The following SLC24A2 variants were observed in gnomAD, a reference collection of about 807,000 sequenced individuals.
SLC24A2 encodes solute carrier family 24 member 2.
SLC24A2 carries 36 observed loss-of-function variants against 62.0 expected under a neutral mutation model. The observed-to-expected ratio is 0.58, with a 90% CI of 0.44 to 0.77. SLC24A2 has a LOEUF of 0.77. SLC24A2 is among the 30% of genes least tolerant of loss of function. SLC24A2 has a pLI of 0.00. For synonymous variants in SLC24A2, 358 were observed against 294.0 expected (o/e 1.22, Z -2.23); for missense variants, 846 against 817.9 (o/e 1.03, Z -0.42).
chr9:19,839,246 T>C, the SLC24A2 span, among the ~76,000 whole-genome samples: 1 of 152,114 alleles, frequency 6.6e-6, no homozygotes, highest in African/African-American at 2.4e-5. Flanking sequence ...AAACAACAGG[T>C]GCTGGAGAGG....
At chr9:19,619,064 C>T (rs1817841729) in intron 4 of SLC24A2, among the ~76,000 whole-genome samples, 1 of 152,074 alleles carries the variant, frequency 6.6e-6, no homozygotes. Context: ...AAAGACAGGG[C>T]TTTTTAGATG....
the SLC24A2 span, among the ~76,000 whole-genome samples, chr9:20,029,902 T>C: frequency 0.013 from 2,004 of 152,218 alleles, 28 homozygotes; most frequent in Middle Eastern, 0.058. Flanking sequence ...TATATTATGG[T>C]GTGACAAGCC....
At chr9:19,722,678 T>C (rs1385015232) in intron 2 of SLC24A2, among the ~76,000 whole-genome samples, 1 of 151,880 alleles carries the variant, frequency 6.6e-6, no homozygotes, top group African/African-American at 2.4e-5. Flanking sequence ...AACCACGATA[T>C]TCAATCCCTA....
intron 2 of SLC24A2, among the ~76,000 whole-genome samples, chr9:19,727,477 G>C (rs557882849): frequency 2.0e-5 from 3 of 151,888 alleles, no homozygotes; most frequent in Non-Finnish European, 4.4e-5. Context: ...TATTTATTTT[G>C]TACTGTCTTC....
the SLC24A2 span, among the ~76,000 whole-genome samples, chr9:19,843,202 T>A: frequency 3.3e-5 from 5 of 152,212 alleles, no homozygotes; most frequent in East Asian, 3.9e-4. Flanking sequence ...CTTCATACTT[T>A]AAAAAAAATA....
At chr9:19,710,242 TG>T in intron 2 of SLC24A2, among the ~76,000 whole-genome samples, 1 of 152,236 alleles carries the variant, frequency 6.6e-6, no homozygotes, top group East Asian at 1.9e-4. Context: ...TCTGCCCCTA[TG>T]GGTAGAGGAT....
chr9:20,102,638 A>G, the SLC24A2 span, among the ~76,000 whole-genome samples: 1 of 152,056 alleles, frequency 6.6e-6, no homozygotes. Flanking sequence ...AACTTAAAGT[A>G]TAATAATACT....
the SLC24A2 span, among the ~76,000 whole-genome samples, chr9:20,180,878 G>A: frequency 6.6e-6 from 1 of 152,152 alleles, no homozygotes; most frequent in African/African-American, 2.4e-5. Context: ...CACTAAAAGT[G>A]AGCTGTTTCT....
At chr9:19,755,632 T>G (rs143489784) in intron 2 of SLC24A2, among the ~76,000 whole-genome samples, 1 of 152,148 alleles carries the variant, frequency 6.6e-6, no homozygotes, top group Non-Finnish European at 1.5e-5. Flanking sequence ...AAATGCTCCA[T>G]TTTCCTCAGT....
chr9:19,798,598 C>CCACACACACACA, the SLC24A2 span, among the ~76,000 whole-genome samples: 8 of 146,554 alleles, frequency 5.5e-5, no homozygotes, highest in African/African-American at 1.2e-4. Flanking sequence ...ATCCTTTATA[C>CCACACACACACA]CACACACACA....
intron 4 of SLC24A2, among the ~76,000 whole-genome samples, chr9:19,614,714 C>T (rs1817720485): frequency 6.6e-6 from 1 of 151,964 alleles, no homozygotes; most frequent in Admixed American, 6.6e-5. Flanking sequence ...CTCTTGGAAC[C>T]CTTAACTACC....
At chr9:19,680,756 T>A (rs1308864498) in intron 2 of SLC24A2, among the ~76,000 whole-genome samples, 4 of 152,106 alleles carry the variant, frequency 2.6e-5, no homozygotes, top group African/African-American at 7.2e-5. Context: ...AATTTCACAA[T>A]GTTGAGAAGT....
At chr9:20,098,905 G>T in the SLC24A2 span, among the ~76,000 whole-genome samples, 1 of 152,166 alleles carries the variant, frequency 6.6e-6, no homozygotes, top group Admixed American at 6.5e-5. Flanking sequence ...TAGCTGTTCT[G>T]CCACTGATTT....
At chr9:20,277,332 C>T in the SLC24A2 span, among the ~76,000 whole-genome samples, 1 of 151,722 alleles carries the variant, frequency 6.6e-6, no homozygotes, top group South Asian at 2.1e-4. Context: ...TTACAATCTA[C>T]CCATCTGACA....
chr9:19,545,501 G>C (rs1834512035), intron 8 of SLC24A2, among the ~76,000 whole-genome samples: 1 of 152,034 alleles, frequency 6.6e-6, no homozygotes, highest in Non-Finnish European at 1.5e-5. Context: ...TTGAGAAGAG[G>C]TGTTCAGGTT....
At chr9:20,047,886 G>T in the SLC24A2 span, among the ~76,000 whole-genome samples, 4 of 151,866 alleles carry the variant, frequency 2.6e-5, no homozygotes, top group Non-Finnish European at 5.9e-5. Flanking sequence ...AGGTTTGTTT[G>T]TAATAGATAA....
At chr9:19,571,095 G>A (rs1223054831) in intron 7 of SLC24A2, among the ~76,000 whole-genome samples, 1 of 152,192 alleles carries the variant, frequency 6.6e-6, no homozygotes, top group African/African-American at 2.4e-5. Context: ...GCATGGGGAT[G>A]AGGCTGCCCT....
the SLC24A2 span, among the ~76,000 whole-genome samples, chr9:19,892,784 A>C: frequency 6.6e-6 from 1 of 152,090 alleles, no homozygotes; most frequent in African/African-American, 2.4e-5. Context: ...AACAAGAGTG[A>C]ATTTTGGCCC....
chr9:20,023,594 T>A, the SLC24A2 span, among the ~76,000 whole-genome samples: 800 of 152,304 alleles, frequency 5.3e-3, 6 homozygotes, highest in African/African-American at 0.018. Flanking sequence ...CCAAGATATG[T>A]CAAAGTACCT....
Sources: gnomAD v4.1 joint callset for allele counts (sites outside exome capture counted in the v4.1 genomes callset) on GRCh38, gnomAD v4.1.1 for gene constraint, MANE v1.5 for transcripts, NCBI Gene and HGNC (gene_info 2026-07-23, HGNC 2026-07-21) for gene names.